The following ZNF107 variants were observed in gnomAD, a reference collection of about 807,000 sequenced individuals.
ZNF107 encodes C2H2 type zinc-finger protein.
Under a neutral mutation model 12.3 loss-of-function variants are expected in ZNF107, and 19 were observed. The observed-to-expected ratio is 1.55, with a 90% confidence interval of 1.08 to 2.27. The LOEUF (loss-of-function observed/expected upper bound fraction) is 2.27. Ranked by LOEUF, ZNF107 falls within the 30% of genes most tolerant of loss-of-function variation. The probability of loss-of-function intolerance (pLI) is 0.00; values close to 1 mark genes in which losing one functional copy is unlikely to be tolerated. For missense variants in ZNF107, 958 were observed against 979.9 expected (o/e 0.98, Z 0.30); for synonymous variants, 317 against 330.5 (o/e 0.96, Z 0.44).
chr7:64,691,586 A>T (rs1430376136), intron 2 of ZNF107, among the ~76,000 whole-genome samples: 1 of 152,132 alleles, frequency 6.6e-6, no homozygotes, highest in African/African-American at 2.4e-5. Context: ...GCTAATCTGT[A>T]TTTTTCACTC....
In ZNF107 at chr7:64,706,350, CT is replaced by C; in HGVS notation, c.256del (p.Trp86GlyfsTer6). ...PVMSFHFAQD[L>X]WPEQNIKDSF... ...AATGTCTTTTCATTTTGCCCAAGAC[CT>C]TTGGCCAGAGCAGAACATAAAAGAT... On this transcript the variant is annotated frameshift_variant, in exon 4 of 4. Coordinates refer to ENST00000620827, the MANE Select transcript of ZNF107 (RefSeq NM_001282359.2). LOFTEE classifies it low-confidence loss of function (END_TRUNC). The C allele has an allele frequency of 6.4e-7, 1 of 1,572,324 alleles. No homozygotes were observed. The highest frequency in any genetic ancestry group is 8.6e-7 in the Non-Finnish European group (1 of 1,158,208).
intron 3 of ZNF107, among the ~76,000 whole-genome samples, chr7:64,693,165 ATTTT>A (rs34734604): frequency 9.1e-6 from 1 of 110,104 alleles, no homozygotes; most frequent in Admixed American, 1.0e-4. Flanking sequence ...CACTCAGCTA[ATTTT>A]TTTTTTTTTT....
At chr7:64,681,815 T>G (rs1789689226) in intron 1 of ZNF107, among the ~76,000 whole-genome samples, 2 of 152,282 alleles carry the variant, frequency 1.3e-5, no homozygotes, top group South Asian at 4.1e-4. Flanking sequence ...TCAATCAGAT[T>G]GTACTTTTCA....
chr7:64,685,625 T>A (rs909784783), intron 1 of ZNF107, among the ~76,000 whole-genome samples: 1 of 152,042 alleles, frequency 6.6e-6, no homozygotes, highest in East Asian at 1.9e-4. Flanking sequence ...ATCCCAAACA[T>A]CCCTTTTCAG....
chr7:64,691,656 A>T (rs186029450), intron 2 of ZNF107, among the ~76,000 whole-genome samples: 164 of 152,288 alleles, frequency 1.1e-3, no homozygotes, highest in African/African-American at 3.7e-3. Flanking sequence ...ACGCCTTAAA[A>T]TCTAATTTCC....
In ZNF107 at chr7:64,707,750, C is replaced by T. The variant is rs761311965; in HGVS notation, c.1653C>T (p.Thr551=). 1.2e-6 allele frequency: 2 copies of T among 1,611,974 alleles called. No homozygotes were observed. The highest frequency in any genetic ancestry group is 1.3e-5 in the African/African-American group (1 of 74,716). ...ECGKAFNRFS[T]LTKHKRIHTG... ...GCAAAGCTTTTAACCGATTCTCAAC[C>T]CTTACTAAACATAAGAGAATTCATA... Residue 551 remains threonine (T), a synonymous_variant, in exon 4 of 4, where the codon ACC becomes ACT. Transcript: ENST00000620827.
At chr7:64,675,770 G>T (rs898808601) in intron 1 of ZNF107, among the ~76,000 whole-genome samples, 1 of 152,128 alleles carries the variant, frequency 6.6e-6, no homozygotes, top group Non-Finnish European at 1.5e-5. Flanking sequence ...TGTCAGCTGT[G>T]TTGCAGTACT....
rs745932039 is a variant in ZNF107, at chr7:64,666,244, T to C, written c.-39T>C. 5.0e-5 allele frequency: 81 copies of C among 1,606,476 alleles called. No homozygotes were observed. The highest frequency in any genetic ancestry group is 6.3e-5 in the Non-Finnish European group (74 of 1,175,806). On this transcript the variant is annotated 5_prime_UTR_variant, in exon 1 of 4. Coordinates refer to ENST00000620827, the MANE Select transcript of ZNF107 (RefSeq NM_001282359.2). ...CCTGTGACCTGCAGATATTGGGAGA[T>C]CCACAGCTAAGACGCCGGGACTCCC...
Position 64,666,167 on chromosome 7 carries a change from C to T in ZNF107, c.-116C>T. On this transcript the variant is annotated 5_prime_UTR_variant, in exon 1 of 4. Coordinates refer to ENST00000620827, the MANE Select transcript of ZNF107 (RefSeq NM_001282359.2). The stretch of plus-strand genomic sequence containing the variant: ...TCTGGCTGCAGCCGGAGCTCCTGCT[C>T]TCCTCCTCACTGCTCAGTGTCCTCT... 2.1e-6 allele frequency: 3 copies of T among 1,419,162 alleles called. 1 individual carries two copies. Among genetic ancestry groups the T allele is most frequent in the Middle Eastern group, 3.6e-4 (2 of 5,554 alleles). The allele number at this position is 1,419,162 out of a possible 1,614,324, so 87.9% of individuals were successfully genotyped here. A position where few individuals can be genotyped will look rare whatever the true frequency, so the allele number is the denominator to read the frequency against.
intron 1 of ZNF107, among the ~76,000 whole-genome samples, chr7:64,670,554 A>G (rs1281867078): frequency 6.6e-6 from 1 of 152,186 alleles, no homozygotes; most frequent in Non-Finnish European, 1.5e-5. Flanking sequence ...TTTTAATATG[A>G]AAAAGAAAAT....
chr7:64,708,271 T>C lies in ZNF107; in HGVS notation c.2174T>C (p.Ile725Thr). The change falls in exon 4 of 4, where the codon ATA (isoleucine) becomes ACA (threonine). Residue 725 changes from isoleucine to threonine, a missense_variant. Coordinates refer to ENST00000620827, the MANE Select transcript of ZNF107 (RefSeq NM_001282359.2). ...NCSSTLNRHK[I>T]IHTGEKPYKC... ...TCCTCAACCCTTAATAGACATAAGATAATTCATACTGGAGAGAAACCTTAC... is the reference window on the plus strand; with the variant it reads ...TCCTCAACCCTTAATAGACATAAGACAATTCATACTGGAGAGAAACCTTAC... 1.9e-6 allele frequency: 3 copies of C among 1,613,454 alleles called. No individual in the cohort carries two copies. The highest frequency in any genetic ancestry group is 2.5e-6 in the Non-Finnish European group (3 of 1,179,746).
intron 1 of ZNF107, chr7:64,690,526 G>A (rs1320900516): frequency 1.0e-6 from 1 of 985,212 alleles, no homozygotes; most frequent in Non-Finnish European, 1.2e-6. Flanking sequence ...GGAAAAAAAG[G>A]TATGCATTTT....
At chr7:64,687,544 G>A (rs939215831) in intron 1 of ZNF107, 68 of 985,268 alleles carry the variant, frequency 6.9e-5, no homozygotes, top group African/African-American at 1.9e-4. Context: ...ACCAGGAGAC[G>A]GCAAGCAGGA....
chr7:64,704,945 C>T (rs1438129139), intron 3 of ZNF107, among the ~76,000 whole-genome samples: 1 of 152,208 alleles, frequency 6.6e-6, no homozygotes, highest in Non-Finnish European at 1.5e-5. Context: ...TCCCAATGTG[C>T]TGGGATTACA....
At chr7:64,681,898 T>C (rs1056801592) in intron 1 of ZNF107, among the ~76,000 whole-genome samples, 1 of 152,114 alleles carries the variant, frequency 6.6e-6, no homozygotes, top group East Asian at 1.9e-4. Context: ...TATTCCGTTC[T>C]CAGCCTAAAA....
chr7:64,672,693 C>T (rs750192549), intron 1 of ZNF107, among the ~76,000 whole-genome samples: 4 of 152,044 alleles, frequency 2.6e-5, no homozygotes, highest in Non-Finnish European at 5.9e-5. Context: ...AGTCTACCGT[C>T]GATAGGTATT....
At chr7:64,693,144 G>A (rs190872021) in intron 3 of ZNF107, among the ~76,000 whole-genome samples, 2 of 147,922 alleles carry the variant, frequency 1.4e-5, no homozygotes, top group East Asian at 2.0e-4. Flanking sequence ...GACTACAGGC[G>A]CCCTCTACCA....
intron 1 of ZNF107, among the ~76,000 whole-genome samples, chr7:64,672,193 A>G (rs1206337864): frequency 1.3e-5 from 2 of 151,884 alleles, no homozygotes; most frequent in Admixed American, 6.6e-5. Flanking sequence ...GAGAAAATAT[A>G]TTTGGTTTTC....
intron 1 of ZNF107, among the ~76,000 whole-genome samples, chr7:64,682,276 T>C (rs1319235334): frequency 6.6e-6 from 1 of 151,656 alleles, no homozygotes; most frequent in East Asian, 1.9e-4. Context: ...ACACCCGCAC[T>C]CCCCCCGCTG....
Sources: gnomAD v4.1 joint callset for allele counts (sites outside exome capture counted in the v4.1 genomes callset) on GRCh38, gnomAD v4.1.1 for gene constraint, MANE v1.5 for transcripts, NCBI Gene and HGNC (gene_info 2026-07-23, HGNC 2026-07-21) for gene names.